The following TTC28 variants were observed in gnomAD, a reference collection of about 807,000 sequenced individuals.
TTC28 encodes the protein tetratricopeptide repeat protein 28.
Under a neutral mutation model 198.0 loss-of-function variants are expected in TTC28, and 61 were observed. The ratio of observed to expected loss-of-function variants is 0.31; its 90% CI spans 0.25 to 0.38. The LOEUF (loss-of-function observed/expected upper bound fraction) is 0.38. Among genes scored for constraint, TTC28 ranks in the 10% least tolerant of loss-of-function variants. The pLI is 1.00. For synonymous variants in TTC28, 1,171 were observed against 1,297.8 expected (o/e 0.90, Z 2.10); for missense variants, 2,678 against 3,164.0 (o/e 0.85, Z 3.69).
At chr22:28,311,960 T>TAGAGTAGAATGATGGTTAG (rs2045265880) in intron 2 of TTC28, among the ~76,000 whole-genome samples, 1 of 149,256 alleles carries the variant, frequency 6.7e-6, no homozygotes, top group Non-Finnish European at 1.5e-5. Context: ...ATTCAGGAGA[T>TAGAGTAGAATGATGGTTAG]CCATCTCACG....
intron 5 of TTC28, among the ~76,000 whole-genome samples, chr22:28,211,839 C>G (rs1926995739): frequency 1.3e-5 from 2 of 152,154 alleles, no homozygotes; most frequent in Non-Finnish European, 2.9e-5. Context: ...TTCTTCTCAG[C>G]ACCATATCGC....
At chr22:28,470,069 C>T (rs1363867944) in intron 2 of TTC28, among the ~76,000 whole-genome samples, 1 of 152,054 alleles carries the variant, frequency 6.6e-6, no homozygotes, top group East Asian at 1.9e-4. Flanking sequence ...GTCTCAAACT[C>T]CTGGGCCTCA....
rs187741741 is a variant in TTC28, at chr22:28,252,054, C to T, written c.933+44144G>A. ...CAAAATTATTTGGTATCATAACTTGCGCATAGGAGATGGCTACATGGTAAC... is the reference window on the plus strand; with the variant it reads ...CAAAATTATTTGGTATCATAACTTGTGCATAGGAGATGGCTACATGGTAAC... On this transcript the variant is annotated intron_variant, in intron 5 of 22. Coordinates refer to ENST00000397906, the MANE Select transcript of TTC28 (RefSeq NM_001145418.2). Among the ~76,000 whole-genome samples the T allele has an allele frequency of 4.0e-4, 61 of 152,222 alleles. 1 individual carries two copies. Among genetic ancestry groups the T allele is most frequent in the Admixed American group, 9.8e-4 (15 of 15,290 alleles).
intron 2 of TTC28, among the ~76,000 whole-genome samples, chr22:28,566,196 C>T (rs2049966317): frequency 6.6e-6 from 1 of 152,162 alleles, no homozygotes; most frequent in Non-Finnish European, 1.5e-5. Context: ...GCAGTCAAAA[C>T]AGTTCAGGAC....
chr22:28,189,086 G>C (rs540525069), intron 5 of TTC28, among the ~76,000 whole-genome samples: 127 of 152,146 alleles, frequency 8.3e-4, no homozygotes, highest in Non-Finnish European at 1.0e-3. Context: ...GTAAGCGCAT[G>C]CCTGTAATCC....
intron 6 of TTC28, among the ~76,000 whole-genome samples, chr22:28,137,660 G>T (rs1943229634): frequency 6.6e-6 from 1 of 151,998 alleles, no homozygotes. Flanking sequence ...CTGTGTCCTT[G>T]TTATGACCTT....
At chr22:28,320,990 G>A (rs576615158) in intron 2 of TTC28, among the ~76,000 whole-genome samples, 29 of 152,212 alleles carry the variant, frequency 1.9e-4, no homozygotes. Flanking sequence ...TGATTCTCAA[G>A]GTTTTATTTT....
At chr22:28,072,823 G>C (rs1941043236) in intron 12 of TTC28, among the ~76,000 whole-genome samples, 1 of 152,220 alleles carries the variant, frequency 6.6e-6, no homozygotes, top group South Asian at 2.1e-4. Context: ...TACACCAGGA[G>C]ATAGAGTGGG....
At chr22:28,144,067 A>G (rs1162536211) in intron 6 of TTC28, among the ~76,000 whole-genome samples, 1 of 152,228 alleles carries the variant, frequency 6.6e-6, no homozygotes, top group Non-Finnish European at 1.5e-5. Context: ...GTCCAATACC[A>G]GCCACTATTT....
intron 5 of TTC28, among the ~76,000 whole-genome samples, chr22:28,206,164 AG>A (rs1926389344): frequency 6.6e-6 from 1 of 152,168 alleles, no homozygotes; most frequent in African/African-American, 2.4e-5. Context: ...GATACTCTGC[AG>A]TAATTGCTAA....
At chr22:28,510,050 C>T (rs1601488238) in intron 2 of TTC28, among the ~76,000 whole-genome samples, 3 of 151,788 alleles carry the variant, frequency 2.0e-5, no homozygotes, top group South Asian at 4.2e-4. Context: ...GCCTACCAAC[C>T]AAAAAAAGCC....
chr22:28,090,538 G>A (rs981573850), intron 12 of TTC28, among the ~76,000 whole-genome samples: 1 of 152,106 alleles, frequency 6.6e-6, no homozygotes, highest in Admixed American at 6.5e-5. Flanking sequence ...AGTATGTACA[G>A]ATCTTTGCTC....
chr22:28,042,525 G>A (rs1477056957), intron 12 of TTC28, among the ~76,000 whole-genome samples: 1 of 151,902 alleles, frequency 6.6e-6, no homozygotes, highest in East Asian at 1.9e-4. Context: ...GGTTGGAGTT[G>A]AATAATGAGA....
Position 28,163,098 on chromosome 22 carries a change from T to G in TTC28, c.1435A>C (p.Asn479His). ...CAGGCAACCCTGTTCTTACCTAGAT[T>G]GGAGGATGCTCGCCCCTCTGCAGCC... ...DRAAEGRASS[N>H]LGIIHQMKGD... Residue 479 changes from asparagine to histidine, a missense_variant, in exon 6 of 23, where the codon AAT (asparagine) becomes CAT (histidine). Physicochemically the swap from Asn to His is moderately conservative, Grantham distance 68. Around this residue, in one of 8 missense-constraint regions of TTC28, gnomAD observed 775 missense variants for 845.9 expected, o/e 0.92. Transcript: ENST00000397906. The G allele has an allele frequency of 6.5e-7, 1 of 1,547,854 alleles. No individual in the cohort carries two copies. The highest frequency in any genetic ancestry group is 8.7e-7 in the Non-Finnish European group (1 of 1,144,934).
chr22:28,384,385 A>G (rs2146034267), intron 2 of TTC28, among the ~76,000 whole-genome samples: 1 of 152,220 alleles, frequency 6.6e-6, no homozygotes, highest in East Asian at 1.9e-4. Context: ...ATGGTACCTA[A>G]GCCCTTCATC....
At chr22:28,163,921 C>T (rs1921557418) in intron 5 of TTC28, among the ~76,000 whole-genome samples, 1 of 152,184 alleles carries the variant, frequency 6.6e-6, no homozygotes, top group South Asian at 2.1e-4. Context: ...CAGACGGCAC[C>T]TGGAAAATCA....
At chr22:28,366,568 T>C (rs2046250522) in intron 2 of TTC28, among the ~76,000 whole-genome samples, 1 of 152,014 alleles carries the variant, frequency 6.6e-6, no homozygotes, top group African/African-American at 2.4e-5. Context: ...AATGACAAAA[T>C]GGCAGGAGTA....
chr22:28,052,970 G>A (rs1940142870), intron 12 of TTC28, among the ~76,000 whole-genome samples: 1 of 152,222 alleles, frequency 6.6e-6, no homozygotes, highest in South Asian at 2.1e-4. Flanking sequence ...GGCGCTGTGT[G>A]TGCAGCAGAC....
chr22:27,985,466 T>A, intron 21 of TTC28, 110 bp from the exon 22 acceptor site: 1 of 853,622 alleles, frequency 1.2e-6, no homozygotes, highest in Non-Finnish European at 1.8e-6. Context: ...TGCAAGGCCC[T>A]TCAGCAAGCA....
Sources: allele counts gnomAD v4.1 joint callset (sites outside exome capture counted in the v4.1 genomes callset), GRCh38; gene constraint gnomAD v4.1.1; regional missense constraint gnomAD v4.1.1; transcripts MANE v1.5; gene names NCBI Gene and HGNC (gene_info 2026-07-23, HGNC 2026-07-21).